Variants in UBA52 observed in about 807,000 individuals in gnomAD.
UBA52 encodes ubiquitin-ribosomal protein eL40 fusion protein.
In UBA52, 1 loss-of-function variant was observed where a neutral mutation model predicts 15.3. The observed-to-expected ratio is 0.07, with a 90% CI of 0.02 to 0.31. The LOEUF is 0.31. Ranked by LOEUF, UBA52 falls within the 10% of genes least tolerant of loss-of-function variation. The probability of loss-of-function intolerance (pLI) is 1.00; values close to 1 mark genes in which losing one functional copy is unlikely to be tolerated. For synonymous variants in UBA52, 50 were observed against 58.3 expected (o/e 0.86, Z 0.65); for missense variants, 87 against 168.0 (o/e 0.52, Z 2.66).
chr19:18,565,022 G>A, the UBA52 span: 1 of 1,584,096 alleles, frequency 6.3e-7, no homozygotes, highest in Non-Finnish European at 8.5e-7. Flanking sequence ...GCCGTATCAG[G>A]TGGGTGCTCA....
intron 1 of UBA52, chr19:18,572,245 T>A (rs1051554506): frequency 2.0e-5 from 3 of 152,296 alleles, no homozygotes; most frequent in Non-Finnish European, 2.9e-5. Context: ...ACTAAATTTC[T>A]CGAGCTGAGT....
intron 2 of UBA52, 89 bp downstream of exon 2, chr19:18,573,492 A>G: frequency 7.5e-7 from 1 of 1,336,576 alleles, no homozygotes; most frequent in Non-Finnish European, 1.1e-6. Context: ...GGTTGTGCTG[A>G]CTTTAGATCT....
upstream of UBA52, among the ~76,000 whole-genome samples, chr19:18,571,310 C>CAAAAA (rs756456955): frequency 8.3e-5 from 9 of 108,196 alleles, no homozygotes; most frequent in Admixed American, 2.9e-4. Context: ...AACTCCGTCT[C>CAAAAA]AAAAAAAAAA....
rs781309782 is a variant in UBA52, at chr19:18,573,650, C to A, written c.104-12C>A. ...TCCGCAGAGCCTCTAACTGAGCCTC[C>A]CTCCCCCTCAGGTATCCCACCTGAC... On this transcript the variant is annotated splice_polypyrimidine_tract_variant and intron_variant, in intron 2 of 4. Coordinates refer to ENST00000442744, the MANE Select transcript of UBA52 (RefSeq NM_001033930.3). 2.0e-5 allele frequency: 33 copies of A among 1,613,644 alleles called. No individual in the cohort carries two copies. The highest frequency in any genetic ancestry group is 6.8e-6 in the Non-Finnish European group (8 of 1,179,796).
At chr19:18,568,702 TG>T (rs1247460044), upstream of UBA52, 7 of 1,182,316 alleles carry the variant, frequency 5.9e-6, no homozygotes, top group Admixed American at 2.0e-5. Context: ...AACCCTGCCT[TG>T]TTCTGTCATC....
chr19:18,575,158 C>T lies in UBA52; in HGVS notation c.*8C>T, dbSNP rs765197562. 29 of 1,613,990 alleles carry T rather than the reference C, an allele frequency of 1.8e-5. No homozygotes were observed. In the Admixed American group the frequency reaches 4.2e-4, roughly 23 times the overall value. ...AAGAAGAAGGTCAAATAAGGTGGTT[C>T]TTTCCTTGAAGGGCAGCCTCCTGCC... is the stretch of plus-strand genomic sequence containing the variant. On this transcript the variant is annotated 3_prime_UTR_variant, in exon 5 of 5. Coordinates refer to ENST00000442744, the MANE Select transcript of UBA52 (RefSeq NM_001033930.3).
rs1028931471 is a variant in UBA52 at position 18,575,559 on chromosome 19, G to A, written c.*409G>A. On this transcript the variant is annotated 3_prime_UTR_variant, in exon 5 of 5. Transcript: ENST00000442744. ...TGTGTGGAGATGGGTAGAAAATTAG[G>A]TACACCCAATGGTGTAGAACGTTGA... The A allele has an allele frequency of 2.5e-5, 6 of 237,026 alleles. No homozygotes were observed. Among genetic ancestry groups the A allele is most frequent in the African/African-American group, 6.8e-5 (3 of 44,148 alleles). 14.7% of individuals were successfully genotyped at this position (237,026 alleles called of 1,614,324 possible).
rs1387499720 is a variant in UBA52, at chr19:18,576,046, CAGTT to C, written c.*898_*901del. 1 of 152,264 alleles carries C rather than the reference CAGTT, an allele frequency of 6.6e-6. No individual in the cohort carries two copies. The highest frequency in any genetic ancestry group is 1.5e-5 in the Non-Finnish European group (1 of 68,096). 9.4% of individuals were successfully genotyped at this position (152,264 alleles called of 1,614,324 possible). On this transcript the variant is annotated 3_prime_UTR_variant, in exon 5 of 5. Coordinates refer to ENST00000442744, the MANE Select transcript of UBA52 (RefSeq NM_001033930.3). ...CAGGCGTGAGCCAGCACGCCTGGCC[CAGTT>C]ACTCAGTTTTGAATCTGAGGCCGTG...
chr19:18,565,897 A>T, the UBA52 span, among the ~76,000 whole-genome samples: 3 of 152,290 alleles, frequency 2.0e-5, no homozygotes, highest in Middle Eastern at 3.4e-3. Flanking sequence ...CGTGTTGCCC[A>T]GGCTAGTCTC....
At chr19:18,567,871 C>A (rs1194273069), upstream of UBA52, among the ~76,000 whole-genome samples, 1 of 152,198 alleles carries the variant, frequency 6.6e-6, no homozygotes, top group Non-Finnish European at 1.5e-5. Flanking sequence ...GCCCTCAGGG[C>A]TCCTGTAGGC....
At position 18,571,884 on chromosome 19, in the gene UBA52, G is replaced by A. The variant is rs1383816878; in HGVS notation, c.-34G>A. On this transcript the variant is annotated 5_prime_UTR_variant, in exon 1 of 5. Coordinates refer to ENST00000442744, the MANE Select transcript of UBA52 (RefSeq NM_001033930.3). ...TCTTTTTCTTCAGCGAGGCGGCCGA[G>A]CTGGTTGGTGGCGGCGGTCGTGCGG... The A allele has an allele frequency of 3.3e-5, 5 of 153,220 alleles. No individual in the cohort carries two copies. Among genetic ancestry groups the A allele is most frequent in the African/African-American group, 1.2e-4 (5 of 41,618 alleles). 9.5% of individuals were successfully genotyped at this position (153,220 alleles called of 1,614,324 possible).
chr19:18,573,226 C>A, intron 1 of UBA52, 67 bp from the exon 2 acceptor site: 1 of 1,444,558 alleles, frequency 6.9e-7, no homozygotes, highest in Non-Finnish European at 9.7e-7. Context: ...GTGGTGTAGG[C>A]ACCTGAGCTT....
upstream of UBA52, among the ~76,000 whole-genome samples, chr19:18,570,925 G>C (rs1426815394): frequency 6.6e-6 from 1 of 151,112 alleles, no homozygotes; most frequent in African/African-American, 2.4e-5. Flanking sequence ...GACCTCAGGT[G>C]ATCCGCACAT....
chr19:18,572,642 T>G, intron 1 of UBA52: 1 of 325,852 alleles, frequency 3.1e-6, no homozygotes, highest in Non-Finnish European at 4.4e-6. Flanking sequence ...TTCTTTGTCT[T>G]TTTAAGTCAA....
Position 18,573,653 on chromosome 19 carries a change from C to A in UBA52, c.104-9C>A. On this transcript the variant is annotated splice_polypyrimidine_tract_variant and intron_variant, in intron 2 of 4. Transcript: ENST00000442744. ...GCAGAGCCTCTAACTGAGCCTCCCT[C>A]CCCCTCAGGTATCCCACCTGACCAG... 6.2e-7 allele frequency: 1 copy of A among 1,613,780 alleles called. No individual in the cohort carries two copies. The highest frequency in any genetic ancestry group is 8.5e-7 in the Non-Finnish European group (1 of 1,179,804).
At position 18,575,407 on chromosome 19, in the gene UBA52, C is replaced by T. The variant is rs1475702159; in HGVS notation, c.*257C>T. 2 of 493,714 alleles carry T rather than the reference C, an allele frequency of 4.1e-6. No individual in the cohort carries two copies. Among genetic ancestry groups the T allele is most frequent in the Non-Finnish European group, 7.4e-6 (2 of 270,984 alleles). The allele number at this position is 493,714 out of a possible 1,614,324, so 30.6% of individuals were successfully genotyped here. On this transcript the variant is annotated 3_prime_UTR_variant, in exon 5 of 5. Coordinates refer to ENST00000442744, the MANE Select transcript of UBA52 (RefSeq NM_001033930.3). ...CCTATGCCCCTGACTCTGGATTTGT[C>T]ATCTGTAAAACTGGAGTAAAAACCT...
At chr19:18,573,550 C>G (rs1000106213) in intron 2 of UBA52, 112 bp from the exon 3 acceptor site, 7 of 1,337,932 alleles carry the variant, frequency 5.2e-6, no homozygotes, top group Non-Finnish European at 7.4e-6. Context: ...TTGTTATCTT[C>G]TACCTCAGTT....
At chr19:18,567,134 C>T (rs778930671), upstream of UBA52, 39 of 1,613,954 alleles carry the variant, frequency 2.4e-5, no homozygotes, top group Middle Eastern at 3.3e-4. Context: ...CCCTGCAGGA[C>T]GCTGAAAGGG....
chr19:18,574,396 C>T, intron 3 of UBA52, among the ~76,000 whole-genome samples: 1 of 151,916 alleles, frequency 6.6e-6, no homozygotes, highest in African/African-American at 2.4e-5. Context: ...TCAAGCGATT[C>T]CCCTGCCTCA....
Sources: allele counts gnomAD v4.1 joint callset (sites outside exome capture counted in the v4.1 genomes callset), GRCh38; gene constraint gnomAD v4.1.1; transcripts MANE v1.5; gene names NCBI Gene and HGNC (gene_info 2026-07-23, HGNC 2026-07-21).